CLSTN2: variants seen among roughly 807,000 people sequenced by gnomAD.
CLSTN2 encodes the protein calsyntenin 2, also known as calsyntenin-2.
In CLSTN2, 48 loss-of-function variants were observed where a neutral mutation model predicts 101.2. That is an observed-to-expected ratio of 0.47 (90% CI 0.38 to 0.60). CLSTN2 has a LOEUF of 0.60. Ranked by LOEUF, CLSTN2 falls within the 20% of genes least tolerant of loss-of-function variation. CLSTN2 has a pLI of 0.00. For missense variants in CLSTN2, 1,160 were observed against 1,238.2 expected (o/e 0.94, Z 0.95); for synonymous variants, 481 against 463.6 (o/e 1.04, Z -0.48).
chr3:140,389,106 C>A (rs766811966), intron 2 of CLSTN2, among the ~76,000 whole-genome samples: 3 of 150,032 alleles, frequency 2.0e-5, no homozygotes, highest in Non-Finnish European at 4.4e-5. Context: ...ATTTTTATAT[C>A]TATGTTCATG....
At chr3:140,466,459 A>T (rs750559522) in intron 7 of CLSTN2, 151 bp from the exon 8 acceptor site, 6 of 882,216 alleles carry the variant, frequency 6.8e-6, no homozygotes, top group Non-Finnish European at 1.1e-5. Flanking sequence ...TGCGTTATAG[A>T]ACTATCATCA....
chr3:140,403,826 T>C lies in CLSTN2; in HGVS notation c.428+2T>C, dbSNP rs758454234. On this transcript the variant is annotated splice_donor_variant, in intron 3 of 16. Coordinates refer to ENST00000458420, the MANE Select transcript of CLSTN2 (RefSeq NM_022131.3). LOFTEE classifies it high-confidence loss of function. The stretch of plus-strand genomic sequence containing the variant: ...GACAGCCTGGAAAAAGTCACACAAG[T>C]GAGTGGCCTGACAGAGCCCTCTGGA... 6.2e-7 allele frequency: 1 copy of C among 1,606,236 alleles called. No homozygotes were observed. The highest frequency in any genetic ancestry group is 1.1e-5 in the South Asian group (1 of 89,914).
chr3:139,970,411 T>C (rs11707973), intron 1 of CLSTN2, among the ~76,000 whole-genome samples: 40,207 of 152,078 alleles, frequency 0.26, 5,403 homozygotes, highest in African/African-American at 0.28. Context: ...GCATCATATC[T>C]TGGACAGAGG....
At chr3:140,420,700 G>A (rs148630123) in intron 4 of CLSTN2, among the ~76,000 whole-genome samples, 134 of 152,326 alleles carry the variant, frequency 8.8e-4, no homozygotes, top group African/African-American at 3.1e-3. Context: ...AAGCCCAGAT[G>A]TTAAAAAATA....
At chr3:140,394,694 A>G (rs548307547) in intron 2 of CLSTN2, among the ~76,000 whole-genome samples, 1 of 152,184 alleles carries the variant, frequency 6.6e-6, no homozygotes, top group South Asian at 2.1e-4. Flanking sequence ...ATTCATCCAA[A>G]TCTCCAGCCC....
chr3:140,229,925 C>A (rs4342069), intron 2 of CLSTN2, among the ~76,000 whole-genome samples: 151,847 of 152,216 alleles, frequency 1, 75,742 homozygotes, highest in Middle Eastern at 1. Context: ...TCTGAGCAGG[C>A]TGTGATGTGG....
At chr3:140,151,702 T>C (rs1041054797) in intron 1 of CLSTN2, among the ~76,000 whole-genome samples, 12 of 152,190 alleles carry the variant, frequency 7.9e-5, no homozygotes, top group African/African-American at 1.2e-4. Context: ...TTTATGTCTA[T>C]AAATGACTTG....
intron 7 of CLSTN2, among the ~76,000 whole-genome samples, chr3:140,466,072 A>T (rs12639367): frequency 0.12 from 18,363 of 152,142 alleles, 1,714 homozygotes; most frequent in African/African-American, 0.26. Flanking sequence ...CTGGAAAATC[A>T]ACCTCTCCCC....
rs1262089996 is a variant in CLSTN2 at position 140,240,299 on chromosome 3, T to TACAC, written c.232+64227_232+64228insCACA. 9.8e-4 allele frequency among the ~76,000 whole-genome samples: 12 copies of TACAC among 12,268 alleles called. No homozygotes were observed. In the Admixed American group the frequency reaches 0.021, roughly 21 times the overall value. 8.0% of individuals were successfully genotyped at this position (12,268 alleles called of 152,430 possible). ...ACATATATACATATATACACATATA[T>TACAC]ATATATACACACACACACACATACA... is the stretch of plus-strand genomic sequence containing the variant. On this transcript the variant is annotated intron_variant, in intron 2 of 16. Transcript: ENST00000458420.
chr3:139,971,201 G>A lies in CLSTN2; in HGVS notation c.109+35718G>A, dbSNP rs576693423. On this transcript the variant is annotated intron_variant, in intron 1 of 16. Transcript: ENST00000458420. The stretch of plus-strand genomic sequence containing the variant: ...CAGAATAAATAGTACCTCTGATTAT[G>A]AGGGATATTGAGGAGCTTCAGTGCT... Among the ~76,000 whole-genome samples, 197 of 152,316 alleles carry A rather than the reference G, an allele frequency of 1.3e-3. 2 individuals carry two copies. The highest frequency in any genetic ancestry group is 2.4e-3 in the Non-Finnish European group (160 of 68,024).
Position 140,123,166 on chromosome 3 carries a change from CG to C in CLSTN2, c.110-52778del, listed in dbSNP as rs1197231138. 4.3e-4 allele frequency among the ~76,000 whole-genome samples: 26 copies of C among 60,316 alleles called. No homozygotes were observed. The Admixed American group carries it at 5.0e-3, about 12-fold the overall frequency. 39.6% of individuals were successfully genotyped at this position (60,316 alleles called of 152,430 possible). The stretch of plus-strand genomic sequence containing the variant: ...TACCTTGTTACTGTGTCCTCCAGGG[CG>C]GGGGGGTGGGGGGCGGGACATGAAT... On this transcript the variant is annotated intron_variant, in intron 1 of 16. Transcript: ENST00000458420.
chr3:140,046,191 G>T (rs1302027111), intron 1 of CLSTN2, among the ~76,000 whole-genome samples: 1 of 152,114 alleles, frequency 6.6e-6, no homozygotes, highest in Non-Finnish European at 1.5e-5. Flanking sequence ...ATGAATCTGG[G>T]TGCTCCTGTA....
intron 5 of CLSTN2, among the ~76,000 whole-genome samples, chr3:140,426,194 C>T (rs1220724772): frequency 6.6e-6 from 1 of 152,122 alleles, no homozygotes; most frequent in Non-Finnish European, 1.5e-5. Context: ...TAAATGTGTG[C>T]CGTGGTGGTT....
chr3:140,396,236 C>T (rs1337297635), intron 2 of CLSTN2, among the ~76,000 whole-genome samples: 1 of 151,876 alleles, frequency 6.6e-6, no homozygotes, highest in South Asian at 2.1e-4. Context: ...TGCTGGCCCT[C>T]GATGAGATTA....
At chr3:140,248,899 G>T (rs1296426401) in intron 2 of CLSTN2, among the ~76,000 whole-genome samples, 2 of 152,162 alleles carry the variant, frequency 1.3e-5, no homozygotes, top group Non-Finnish European at 2.9e-5. Flanking sequence ...CTCTCATTGG[G>T]CTTCCATTTA....
At chr3:140,041,879 G>T (rs6797390) in intron 1 of CLSTN2, among the ~76,000 whole-genome samples, 1,545 of 152,242 alleles carry the variant, frequency 0.01, 25 homozygotes, top group African/African-American at 0.033. Context: ...AGACAAACCT[G>T]TGTGAGGAGG....
chr3:140,530,653 C>G (rs1935237124), intron 8 of CLSTN2, among the ~76,000 whole-genome samples: 1 of 152,206 alleles, frequency 6.6e-6, no homozygotes, highest in East Asian at 1.9e-4. Context: ...GTAGAGCCAG[C>G]TAAAGCACAT....
At chr3:140,287,051 A>G (rs2086901659) in intron 2 of CLSTN2, among the ~76,000 whole-genome samples, 1 of 152,178 alleles carries the variant, frequency 6.6e-6, no homozygotes, top group Non-Finnish European at 1.5e-5. Flanking sequence ...ATCATGCATC[A>G]AAGTAGAATA....
At chr3:140,294,171 G>T (rs143662734) in intron 2 of CLSTN2, among the ~76,000 whole-genome samples, 13 of 152,190 alleles carry the variant, frequency 8.5e-5, no homozygotes, top group Non-Finnish European at 1.8e-4. Context: ...TTCATGTGAT[G>T]TGACTATGAA....
Sources: allele counts gnomAD v4.1 joint callset (sites outside exome capture counted in the v4.1 genomes callset), GRCh38; gene constraint gnomAD v4.1.1; transcripts MANE v1.5; gene names NCBI Gene and HGNC (gene_info 2026-07-23, HGNC 2026-07-21).